Variants in FARP1 observed in about 807,000 individuals in gnomAD.
FARP1 encodes FERM, ARH/RhoGEF and pleckstrin domain protein 1, also known as FERM, ARHGEF and pleckstrin domain-containing protein 1.
Under a neutral mutation model 128.8 loss-of-function variants are expected in FARP1, and 52 were observed. The ratio of observed to expected loss-of-function variants is 0.40; its 90% CI spans 0.32 to 0.51. FARP1 has a LOEUF of 0.51. Ranked by LOEUF, FARP1 falls within the 20% of genes least tolerant of loss-of-function variation. FARP1 has a pLI of 0.45. For missense variants in FARP1, 1,333 were observed against 1,367.9 expected (o/e 0.97, Z 0.40); for synonymous variants, 580 against 551.8 (o/e 1.05, Z -0.72).
intron 2 of FARP1, among the ~76,000 whole-genome samples, chr13:98,288,062 A>T (rs1885278103): frequency 6.6e-6 from 1 of 152,112 alleles, no homozygotes; most frequent in Non-Finnish European, 1.5e-5. Context: ...GGCCTCCCAA[A>T]GTGCTGGGAT....
intron 24 of FARP1, among the ~76,000 whole-genome samples, chr13:98,444,583 C>T (rs1485859891): frequency 1.3e-5 from 2 of 152,162 alleles, no homozygotes; most frequent in Admixed American, 1.3e-4. Flanking sequence ...ATGGACCCGA[C>T]ACAGGGGAGC....
rs199965291 is a variant in FARP1 at position 98,200,398 on chromosome 13, C to T, written c.-23-12822C>T. Among the ~76,000 whole-genome samples, 156 of 144,062 alleles carry T rather than the reference C, an allele frequency of 1.1e-3. 2 individuals are homozygous for T. The highest frequency in any genetic ancestry group is 3.3e-3 in the African/African-American group (128 of 38,742). The allele number at this position is 144,062 out of a possible 152,430, so 94.5% of individuals were successfully genotyped here. A position where few individuals can be genotyped will look rare whatever the true frequency, so the allele number is the denominator to read the frequency against. The stretch of plus-strand genomic sequence containing the variant: ...GGAATGCAACCTTCACCCCCCCCCC[C>T]TCCCCTTTGTGATTCAGTGGGGCTG... On this transcript the variant is annotated intron_variant, in intron 1 of 26. Transcript: ENST00000319562.
intron 3 of FARP1, among the ~76,000 whole-genome samples, chr13:98,344,814 C>G (rs1888112674): frequency 6.6e-6 from 1 of 152,162 alleles, no homozygotes; most frequent in Non-Finnish European, 1.5e-5. Context: ...TCAATTTATT[C>G]CCACCTCCAA....
chr13:98,440,532 G>T, intron 23 of FARP1, 138 bp from the exon 24 acceptor site: 1 of 811,242 alleles, frequency 1.2e-6, no homozygotes. Context: ...AGGGTCCATC[G>T]AGGCCTCATT....
At chr13:98,172,007 G>A (rs926084582) in intron 1 of FARP1, among the ~76,000 whole-genome samples, 2 of 152,150 alleles carry the variant, frequency 1.3e-5, no homozygotes, top group Non-Finnish European at 2.9e-5. Flanking sequence ...GCGCTCTGGG[G>A]GTGTCTGCCT....
At position 98,385,820 on chromosome 13, in the gene FARP1, A is replaced by G; in HGVS notation, c.759+6A>G. On this transcript the variant is annotated splice_donor_region_variant and intron_variant, in intron 8 of 26. Transcript: ENST00000319562. ...CGGGAATTCTAGTGTTTCAGGTGAG[A>G]GCCTTGAGAACACGGCCTGGTTCCC... The G allele has an allele frequency of 6.2e-7, 1 of 1,613,688 alleles. No individual in the cohort carries two copies. The highest frequency in any genetic ancestry group is 8.5e-7 in the Non-Finnish European group (1 of 1,179,908).
Position 98,446,714 on chromosome 13 carries a change from A to G in FARP1, c.2953A>G (p.Ile985Val). The change falls in exon 26 of 27, where the codon ATC becomes GTC. Residue 985 changes from isoleucine to valine, a missense_variant. This residue lies in a region of FARP1 where 1,009 missense variants were observed against 969.8 expected (regional missense o/e 1.04). Transcript: ENST00000319562. ...GCCTCTGCTCGGCTACTCGCTCACC[A>G]TCCCCTCTGAGTCCGAGAACATCCA... is the stretch of plus-strand genomic sequence containing the variant. ...SLPLLGYSLT[I>V]PSESENIQKD... 2 of 1,614,010 alleles carry G rather than the reference A, an allele frequency of 1.2e-6. No individual in the cohort carries two copies. Among genetic ancestry groups the G allele is most frequent in the Non-Finnish European group, 1.7e-6 (2 of 1,179,990 alleles).
chr13:98,262,788 G>T (rs530278023), intron 2 of FARP1, among the ~76,000 whole-genome samples: 71 of 152,210 alleles, frequency 4.7e-4, no homozygotes, highest in Non-Finnish European at 8.8e-4. Flanking sequence ...CCTGATCTCT[G>T]TCAGACCCGA....
chr13:98,350,300 TTTTG>T (rs1314265521), intron 3 of FARP1, among the ~76,000 whole-genome samples: 1 of 152,132 alleles, frequency 6.6e-6, no homozygotes, highest in Non-Finnish European at 1.5e-5. Flanking sequence ...GCTTTTAGTG[TTTTG>T]TTTGTTTAAT....
Position 98,318,876 on chromosome 13 carries a change from G to A in FARP1, c.172-24886G>A, listed in dbSNP as rs1335285902. On this transcript the variant is annotated intron_variant, in intron 2 of 26. Transcript: ENST00000319562. ...TGGAAAGTATGCGTGTTTCATTTAT[G>A]CATCTGTGTGAAATACAAGACATAT... Among the ~76,000 whole-genome samples the A allele has an allele frequency of 2.0e-5, 3 of 151,674 alleles. 1 individual carries two copies. Among genetic ancestry groups the A allele is most frequent in the Admixed American group, 1.3e-4 (2 of 15,238 alleles).
At chr13:98,250,114 C>T (rs548893782) in intron 2 of FARP1, among the ~76,000 whole-genome samples, 1 of 152,154 alleles carries the variant, frequency 6.6e-6, no homozygotes, top group African/African-American at 2.4e-5. Context: ...TTTCTGAACA[C>T]CAAACATTGG....
Position 98,454,311 on chromosome 13 carries a change from G to A in FARP1, c.*5994G>A, listed in dbSNP as rs542060150. ...TCAGAAGACAACAAAGGGTGAGAAC[G>A]GGGTCCCCTCATGACCACAATTCCC... On this transcript the variant is annotated 3_prime_UTR_variant, in exon 27 of 27. Coordinates refer to ENST00000319562, the MANE Select transcript of FARP1 (RefSeq NM_005766.4). 7 of 152,236 alleles carry A rather than the reference G, an allele frequency of 4.6e-5. No homozygotes were observed. Among genetic ancestry groups the A allele is most frequent in the Non-Finnish European group, 8.8e-5 (6 of 68,018 alleles). 9.4% of individuals were successfully genotyped at this position (152,236 alleles called of 1,614,324 possible).
At chr13:98,437,617 GT>G in intron 19 of FARP1, 1 of 567,538 alleles carries the variant, frequency 1.8e-6, no homozygotes, top group Non-Finnish European at 3.1e-6. Flanking sequence ...ACTCACTTGC[GT>G]TTTTCTATCA....
chr13:98,252,221 T>TTATTATCATC (rs1883369920), intron 2 of FARP1, among the ~76,000 whole-genome samples: 1 of 152,174 alleles, frequency 6.6e-6, no homozygotes, highest in Non-Finnish European at 1.5e-5. Context: ...TATAATGACT[T>TTATTATCATC]TATTATCAGA....
At chr13:98,440,353 T>G in intron 23 of FARP1, 118 bp downstream of exon 23, 1 of 777,364 alleles carries the variant, frequency 1.3e-6, no homozygotes, top group South Asian at 1.5e-5. Context: ...CATTTGTGTT[T>G]AAAGCCAAAG....
intron 2 of FARP1, chr13:98,328,674 A>T (rs1239232987): frequency 9.9e-5 from 15 of 152,172 alleles, no homozygotes; most frequent in Admixed American, 9.8e-4. Flanking sequence ...GACATACCCC[A>T]GTTGCCAGCA....
chr13:98,175,238 T>G (rs1161094313), intron 1 of FARP1, among the ~76,000 whole-genome samples: 20 of 152,214 alleles, frequency 1.3e-4, no homozygotes, highest in Admixed American at 1.3e-3. Flanking sequence ...GTCAGTTCCT[T>G]GTAAGGAACT....
intron 6 of FARP1, chr13:98,384,169 G>A (rs1414567458): frequency 7.7e-6 from 1 of 130,450 alleles, no homozygotes. Flanking sequence ...GGCTGAAGAT[G>A]GATGATTCTG....
chr13:98,149,985 C>T (rs1272185264), intron 1 of FARP1, among the ~76,000 whole-genome samples: 12 of 151,790 alleles, frequency 7.9e-5, no homozygotes. Context: ...GATCCGCCTG[C>T]CTAGGCCTCC....
Sources: allele counts gnomAD v4.1 joint callset (sites outside exome capture counted in the v4.1 genomes callset), GRCh38; gene constraint gnomAD v4.1.1; regional missense constraint gnomAD v4.1.1; transcripts MANE v1.5; gene names NCBI Gene and HGNC (gene_info 2026-07-23, HGNC 2026-07-21).